Variants in DEK observed in about 807,000 individuals in gnomAD.
The protein encoded by DEK is DEK proto-oncogene, also known as protein DEK.
In DEK, 28 loss-of-function variants were observed where a neutral mutation model predicts 46.8. The ratio of observed to expected loss-of-function variants is 0.60; its 90% CI spans 0.44 to 0.82. The LOEUF (loss-of-function observed/expected upper bound fraction) is 0.82, where lower values mean the gene tolerates loss of function less well. DEK is among the 40% of genes least tolerant of loss of function. The probability of loss-of-function intolerance (pLI) is 0.00; values close to 1 mark genes in which losing one functional copy is unlikely to be tolerated. For missense variants in DEK, 416 were observed against 430.6 expected (o/e 0.97, Z 0.30); for synonymous variants, 160 against 144.5 (o/e 1.11, Z -0.77).
chr6:18,225,517 TA>T lies in DEK; in HGVS notation c.*201del. 4.0e-6 allele frequency: 2 copies of T among 501,712 alleles called. No individual in the cohort carries two copies. Among genetic ancestry groups the T allele is most frequent in the Non-Finnish European group, 7.0e-6 (2 of 286,478 alleles). 31.1% of individuals were successfully genotyped at this position (501,712 alleles called of 1,614,324 possible). A position where few individuals can be genotyped will look rare whatever the true frequency, so the allele number is the denominator to read the frequency against. On this transcript the variant is annotated 3_prime_UTR_variant, in exon 11 of 11. Transcript: ENST00000652689. The stretch of plus-strand genomic sequence containing the variant: ...GAACAATTAATGCCATGCAAGATTT[TA>T]AACTAAAAATGGCATAGAAATGCAA...
rs767443350 is a variant in DEK, at chr6:18,255,776, CACTAG to C, written c.523_527del (p.Leu175GlufsTer21). On this transcript the variant is annotated frameshift_variant, in exon 6 of 11. Coordinates refer to ENST00000652689, the MANE Select transcript of DEK (RefSeq NM_003472.4). LOFTEE classifies it high-confidence loss of function. ...GCATTAAGAAATTCAAGATCCTCTT[CACTAG>C]TTCACTATTTACACCTGATCTCTCC... 1 of 1,612,488 alleles carries C rather than the reference CACTAG, an allele frequency of 6.2e-7. No individual in the cohort carries two copies. Among genetic ancestry groups the C allele is most frequent in the Non-Finnish European group, 8.5e-7 (1 of 1,179,680 alleles).
At chr6:18,262,405 C>T (rs896438125) in intron 2 of DEK, among the ~76,000 whole-genome samples, 2 of 151,774 alleles carry the variant, frequency 1.3e-5, no homozygotes, top group Non-Finnish European at 2.9e-5. Flanking sequence ...TTTCACAATT[C>T]TACTTGTCCC....
chr6:18,252,317 T>C (rs929196343), intron 6 of DEK, among the ~76,000 whole-genome samples: 2 of 151,942 alleles, frequency 1.3e-5, no homozygotes, highest in Non-Finnish European at 2.9e-5. Context: ...TGTGACCATC[T>C]TGGACAATAT....
intron 2 of DEK, among the ~76,000 whole-genome samples, chr6:18,261,231 AAGG>A (rs374125029): frequency 7.2e-4 from 110 of 152,218 alleles, no homozygotes; most frequent in African/African-American, 2.5e-3. Context: ...CATGCAGTAA[AAGG>A]AGATAATTTT....
chr6:18,258,184 T>A, intron 3 of DEK, 120 bp downstream of exon 3: 3 of 1,079,294 alleles, frequency 2.8e-6, no homozygotes, highest in Non-Finnish European at 4.0e-6. Context: ...ACAGAGCAAA[T>A]TAAATAAAAT....
At chr6:18,249,264 GTAAAA>G (rs966925610) in intron 7 of DEK, among the ~76,000 whole-genome samples, 2 of 152,100 alleles carry the variant, frequency 1.3e-5, no homozygotes, top group Non-Finnish European at 2.9e-5. Context: ...TGCTTTTTCC[GTAAAA>G]TAAAATGATC....
Position 18,225,655 on chromosome 6 carries a change from G to A in DEK, c.*64C>T. On this transcript the variant is annotated 3_prime_UTR_variant, in exon 11 of 11. Transcript: ENST00000652689. ...GAAAAGGAAATACATTCTCTTTGCTGGTATAATGGTATAAATCAGATCTTC... is the reference window on the plus strand; with the variant it reads ...GAAAAGGAAATACATTCTCTTTGCTAGTATAATGGTATAAATCAGATCTTC... 4.5e-6 allele frequency: 7 copies of A among 1,548,732 alleles called. No homozygotes were observed. The South Asian group carries it at 7.0e-5, about 16-fold the overall frequency.
chr6:18,247,697 G>C (rs966273514), intron 7 of DEK, among the ~76,000 whole-genome samples: 5 of 151,596 alleles, frequency 3.3e-5, no homozygotes, highest in African/African-American at 9.7e-5. Flanking sequence ...TTTTGAGACG[G>C]AGTTTCGCTC....
intron 6 of DEK, among the ~76,000 whole-genome samples, chr6:18,254,542 CA>C (rs1213853224): frequency 6.6e-6 from 1 of 151,816 alleles, no homozygotes; most frequent in Non-Finnish European, 1.5e-5. Flanking sequence ...GTTCTAATGT[CA>C]AATACAGTGA....
At chr6:18,233,732 CTT>C (rs1409645955) in intron 9 of DEK, among the ~76,000 whole-genome samples, 5 of 127,440 alleles carry the variant, frequency 3.9e-5, no homozygotes, top group African/African-American at 1.6e-4. Context: ...AATAGGAACA[CTT>C]TTACACTGCT....
chr6:18,229,773 G>C (rs2151077165), intron 9 of DEK, among the ~76,000 whole-genome samples: 1 of 152,308 alleles, frequency 6.6e-6, no homozygotes, highest in Middle Eastern at 3.4e-3. Context: ...GAAAGTGACG[G>C]GGAGAATGGA....
intron 2 of DEK, 49 bp from the exon 3 acceptor site, chr6:18,258,454 T>C (rs910989334): frequency 7.4e-7 from 1 of 1,353,108 alleles, no homozygotes; most frequent in African/African-American, 1.5e-5. Context: ...TTAAACATTG[T>C]ATTAACTTTA....
intron 9 of DEK, among the ~76,000 whole-genome samples, chr6:18,228,882 A>C (rs894947013): frequency 8.5e-5 from 13 of 152,192 alleles, no homozygotes; most frequent in African/African-American, 3.1e-4. Context: ...AGGAAGCTCG[A>C]ACTGGGTGGA....
chr6:18,231,951 C>A (rs576743325), intron 9 of DEK, among the ~76,000 whole-genome samples: 1 of 152,142 alleles, frequency 6.6e-6, no homozygotes, highest in Non-Finnish European at 1.5e-5. Flanking sequence ...TGAACATCGA[C>A]GCAAAAATCC....
At chr6:18,226,695 G>C (rs1377813211) in intron 9 of DEK, among the ~76,000 whole-genome samples, 1 of 152,186 alleles carries the variant, frequency 6.6e-6, no homozygotes, top group Non-Finnish European at 1.5e-5. Context: ...CAGGAGGATG[G>C]CTTGGGCCCA....
Position 18,225,243 on chromosome 6 carries a change from T to G in DEK, c.*476A>C, listed in dbSNP as rs1349676556. 1 of 230,000 alleles carries G rather than the reference T, an allele frequency of 4.3e-6. No individual in the cohort carries two copies. Among genetic ancestry groups the G allele is most frequent in the Non-Finnish European group, 8.6e-6 (1 of 116,188 alleles). The allele number at this position is 230,000 out of a possible 1,614,324, so 14.2% of individuals were successfully genotyped here. ...ATCTGGACAACTGTAGCTTGTATAT[T>G]TTTAATATGATGGACACACTGCCGC... On this transcript the variant is annotated 3_prime_UTR_variant, in exon 11 of 11. Coordinates refer to ENST00000652689, the MANE Select transcript of DEK (RefSeq NM_003472.4).
chr6:18,260,992 A>T (rs1252301443), intron 2 of DEK, among the ~76,000 whole-genome samples: 1 of 151,060 alleles, frequency 6.6e-6, no homozygotes, highest in East Asian at 1.9e-4. Flanking sequence ...CTCCAAAAAA[A>T]AAAAAAAAAA....
At chr6:18,256,106 G>A (rs573721322) in intron 5 of DEK, among the ~76,000 whole-genome samples, 18 of 151,960 alleles carry the variant, frequency 1.2e-4, no homozygotes, top group Non-Finnish European at 2.2e-4. Context: ...TCCTGCCTCA[G>A]CCTCCCAAGT....
At chr6:18,247,701 T>G (rs771435683) in intron 7 of DEK, among the ~76,000 whole-genome samples, 3 of 152,024 alleles carry the variant, frequency 2.0e-5, no homozygotes, top group Non-Finnish European at 2.9e-5. Context: ...GAGACGGAGT[T>G]TCGCTCGTTG....
Sources: gnomAD v4.1 joint callset for allele counts (sites outside exome capture counted in the v4.1 genomes callset) on GRCh38, gnomAD v4.1.1 for gene constraint, MANE v1.5 for transcripts, NCBI Gene and HGNC (gene_info 2026-07-23, HGNC 2026-07-21) for gene names.